The following FBH1 variants were observed in gnomAD, a reference collection of about 807,000 sequenced individuals.
The protein encoded by FBH1 is DNA 3'-5' helicase 1.
FBH1 carries 43 observed loss-of-function variants against 115.5 expected under a neutral mutation model. The observed-to-expected ratio is 0.37, with a 90% CI of 0.29 to 0.48. The LOEUF (loss-of-function observed/expected upper bound fraction) is 0.48, where lower values mean the gene tolerates loss of function less well. FBH1 is among the 20% of genes least tolerant of loss of function. FBH1 has a pLI of 0.99. For missense variants in FBH1, 1,001 were observed against 1,337.3 expected (o/e 0.75, Z 3.92); for synonymous variants, 524 against 507.8 (o/e 1.03, Z -0.43).
At position 5,914,194 on chromosome 10, in the gene FBH1, C is replaced by T; in HGVS notation, c.1321C>T (p.Leu441Phe). The change falls in exon 8 of 21, where the codon CTT becomes TTT. Residue 441 changes from leucine (L) to phenylalanine (F), a missense_variant. Leu to Phe is a conservative substitution (Grantham distance 22). Around this residue, in one of 4 missense-constraint regions of FBH1, gnomAD observed 521 missense variants for 811.0 expected, o/e 0.64. Transcript: ENST00000362091. This position sits in a 1 kb window ranked among gnomAD's most constrained non-coding sequence, Gnocchi z 5.2. ...TGATTATAGCAAGAAAACCATCCAA[C>T]TTACACATGAACAACAGCTGATTCT... Reference protein sequence around the residue: ...SVWPGKKTIQLTHEQQLILNH... With the variant: ...SVWPGKKTIQFTHEQQLILNH... The T allele has an allele frequency of 6.2e-7, 1 of 1,614,206 alleles. No individual in the cohort carries two copies. Among genetic ancestry groups the T allele is most frequent in the Non-Finnish European group, 8.5e-7 (1 of 1,180,014 alleles).
Position 5,921,431 on chromosome 10 carries a change from G to T in FBH1, c.2201-17G>T. ...TTTATTTCAATTTGCCATAGAGTTTGTGCTCTCTCCCTAAAGGTGGCATTA... is the reference window on the plus strand; with the variant it reads ...TTTATTTCAATTTGCCATAGAGTTTTTGCTCTCTCCCTAAAGGTGGCATTA... On this transcript the variant is annotated splice_polypyrimidine_tract_variant and intron_variant, in intron 14 of 20. Coordinates refer to ENST00000362091, the MANE Select transcript of FBH1 (RefSeq NM_178150.3). This position sits in a 1 kb window ranked among gnomAD's most constrained non-coding sequence, Gnocchi z 6.4. 1 of 1,609,148 alleles carries T rather than the reference G, an allele frequency of 6.2e-7. No individual in the cohort carries two copies. Among genetic ancestry groups the T allele is most frequent in the Non-Finnish European group, 8.5e-7 (1 of 1,178,426 alleles).
chr10:5,912,950 A>G (rs1831693950), intron 6 of FBH1, among the ~76,000 whole-genome samples: 1 of 152,110 alleles, frequency 6.6e-6, no homozygotes. Flanking sequence ...GGATTATTAA[A>G]GGTATTTGTT....
Position 5,914,342 on chromosome 10 carries a change from C to T in FBH1, c.1396+73C>T. Reference sequence around the variant, plus strand: ...TCTCCCTACATCCCCTTCCCGCTACCTGCCAGGGCATCTTTGCTCTGATCT... The same window carrying T: ...TCTCCCTACATCCCCTTCCCGCTACTTGCCAGGGCATCTTTGCTCTGATCT... On this transcript the variant is annotated intron_variant, in intron 8 of 20. Transcript: ENST00000362091. The surrounding 1 kb of genome is among the most constrained non-coding windows in gnomAD (Gnocchi z 5.2). 2.4e-6 allele frequency: 3 copies of T among 1,230,864 alleles called. No individual in the cohort carries two copies. The highest frequency in any genetic ancestry group is 2.4e-5 in the South Asian group (2 of 82,856). The allele number at this position is 1,230,864 out of a possible 1,614,324, so 76.2% of individuals were successfully genotyped here.
chr10:5,915,580 T>A lies in FBH1; in HGVS notation c.1565+9T>A. 6.2e-7 allele frequency: 1 copy of A among 1,613,334 alleles called. No individual in the cohort carries two copies. Among genetic ancestry groups the A allele is most frequent in the African/African-American group, 1.3e-5 (1 of 75,046 alleles). ...GGGCACATAGGGCGGAAGTGAGTAC[T>A]GCTGTCACTAGTGGCACTGTTGCTG... is the stretch of plus-strand genomic sequence containing the variant. On this transcript the variant is annotated intron_variant, in intron 9 of 20. Coordinates refer to ENST00000362091, the MANE Select transcript of FBH1 (RefSeq NM_178150.3). This position sits in a 1 kb window ranked among gnomAD's most constrained non-coding sequence, Gnocchi z 5.2.
In FBH1 at chr10:5,918,626, CTGCCA is replaced by C; in HGVS notation, c.2100+149_2100+153del. Reference sequence around the variant, plus strand: ...TTCTCAAAGTGTGGTTCTCAGGGGTCTGCCAAGTCACACTGTTTTCATAAGAGGTG... The same window carrying C: ...TTCTCAAAGTGTGGTTCTCAGGGGTCAGTCACACTGTTTTCATAAGAGGTG... On this transcript the variant is annotated intron_variant, in intron 13 of 20. Transcript: ENST00000362091. The surrounding 1 kb of genome is among the most constrained non-coding windows in gnomAD (Gnocchi z 4.0). 9.4e-7 allele frequency: 1 copy of C among 1,060,230 alleles called. No individual in the cohort carries two copies. The highest frequency in any genetic ancestry group is 1.3e-6 in the Non-Finnish European group (1 of 779,684). 65.7% of individuals were successfully genotyped at this position (1,060,230 alleles called of 1,614,324 possible). A position where few individuals can be genotyped will look rare whatever the true frequency, so the allele number is the denominator to read the frequency against.
At position 5,937,517 on chromosome 10, in the gene FBH1, T is replaced by TA. The variant is rs58766013; in HGVS notation, c.*254dup. ...AGGGAAGTGGGGGATGTTCTTTTGA[T>TA]AAAAAAAAAAAAAAAAATTTATGTA... On this transcript the variant is annotated 3_prime_UTR_variant, in exon 21 of 21. Coordinates refer to ENST00000362091, the MANE Select transcript of FBH1 (RefSeq NM_178150.3). 5.3e-3 allele frequency: 1,476 copies of TA among 276,094 alleles called. 5 individuals are homozygous for TA. The highest frequency in any genetic ancestry group is 0.012 in the African/African-American group (522 of 44,686). 17.1% of individuals were successfully genotyped at this position (276,094 alleles called of 1,614,324 possible). A position where few individuals can be genotyped will look rare whatever the true frequency, so the allele number is the denominator to read the frequency against.
Position 5,914,324 on chromosome 10 carries a change from A to G in FBH1, c.1396+55A>G. On this transcript the variant is annotated intron_variant, in intron 8 of 20. Transcript: ENST00000362091. This position sits in a 1 kb window ranked among gnomAD's most constrained non-coding sequence, Gnocchi z 5.2. ...TGGTGGTTTTCTGCCTTTTCTCCCT[A>G]CATCCCCTTCCCGCTACCTGCCAGG... is the stretch of plus-strand genomic sequence containing the variant. 6.8e-7 allele frequency: 1 copy of G among 1,465,316 alleles called. No individual in the cohort carries two copies. The highest frequency in any genetic ancestry group is 9.6e-7 in the Non-Finnish European group (1 of 1,044,598). 90.8% of individuals were successfully genotyped at this position (1,465,316 alleles called of 1,614,324 possible).
At chr10:5,919,802 G>A (rs1832208253) in intron 13 of FBH1, among the ~76,000 whole-genome samples, 1 of 152,212 alleles carries the variant, frequency 6.6e-6, no homozygotes, top group Non-Finnish European at 1.5e-5. Context: ...TAGCGTCACT[G>A]CAGAGGTGAT....
Position 5,921,090 on chromosome 10 carries a change from G to A in FBH1, c.2101-168G>A, listed in dbSNP as rs1832285265. On this transcript the variant is annotated intron_variant, in intron 13 of 20. Coordinates refer to ENST00000362091, the MANE Select transcript of FBH1 (RefSeq NM_178150.3). The surrounding 1 kb of genome is among the most constrained non-coding windows in gnomAD (Gnocchi z 6.4). Reference sequence around the variant, plus strand: ...TTGAGAATAATGGAAAATAAAGACTGCTGAGTTGTGAAGGACCTTGAAAGT... The same window carrying A: ...TTGAGAATAATGGAAAATAAAGACTACTGAGTTGTGAAGGACCTTGAAAGT... Among the ~76,000 whole-genome samples the A allele has an allele frequency of 2.0e-5, 3 of 152,230 alleles. No individual in the cohort carries two copies. The highest frequency in any genetic ancestry group is 7.2e-5 in the African/African-American group (3 of 41,446).
At chr10:5,926,101 A>C (rs574850245) in intron 18 of FBH1, among the ~76,000 whole-genome samples, 1 of 120,968 alleles carries the variant, frequency 8.3e-6, no homozygotes. Context: ...TGTTATTATT[A>C]TTCTTATTCT....
chr10:5,900,657 T>A lies in FBH1; in HGVS notation c.2-2363T>A, dbSNP rs185544880. 6.4e-4 allele frequency among the ~76,000 whole-genome samples: 97 copies of A among 152,300 alleles called. No homozygotes were observed. In the East Asian group the frequency reaches 0.013, roughly 21 times the overall value. ...TTAAAATATTCATGAAGTTTTTTTT[T>A]AAAAAAGCTGGTATTAAACCTTGAA... On this transcript the variant is annotated intron_variant, in intron 1 of 20. Coordinates refer to ENST00000362091, the MANE Select transcript of FBH1 (RefSeq NM_178150.3). This position sits in a 1 kb window ranked among gnomAD's most constrained non-coding sequence, Gnocchi z 4.2.
Position 5,917,749 on chromosome 10 carries a change from T to A in FBH1, c.1963+73T>A. The A allele has an allele frequency of 9.1e-7, 1 of 1,100,928 alleles. No individual in the cohort carries two copies. Among genetic ancestry groups the A allele is most frequent in the Non-Finnish European group, 1.4e-6 (1 of 735,194 alleles). 68.2% of individuals were successfully genotyped at this position (1,100,928 alleles called of 1,614,324 possible). ...CGCCATGATTATGTAAGAGGACACC[T>A]GTGTGAACTAAGTTGATTATTATTA... On this transcript the variant is annotated intron_variant, in intron 12 of 20. Coordinates refer to ENST00000362091, the MANE Select transcript of FBH1 (RefSeq NM_178150.3). The surrounding 1 kb of genome is among the most constrained non-coding windows in gnomAD (Gnocchi z 5.6).
At position 5,936,923 on chromosome 10, in the gene FBH1, G is replaced by T; in HGVS notation, c.2962-187G>T. ...TGTTTCTGAGCTCAGGGAATTTGGG[G>T]GTGTTGAGGCCACCTAGTTGGTGGT... On this transcript the variant is annotated intron_variant, in intron 20 of 20. Coordinates refer to ENST00000362091, the MANE Select transcript of FBH1 (RefSeq NM_178150.3). The surrounding 1 kb of genome is among the most constrained non-coding windows in gnomAD (Gnocchi z 5.6). 1.5e-6 allele frequency: 1 copy of T among 650,008 alleles called. No individual in the cohort carries two copies. Among genetic ancestry groups the T allele is most frequent in the Non-Finnish European group, 2.6e-6 (1 of 383,844 alleles). 40.3% of individuals were successfully genotyped at this position (650,008 alleles called of 1,614,324 possible). A position where few individuals can be genotyped will look rare whatever the true frequency, so the allele number is the denominator to read the frequency against.
chr10:5,899,593 C>G (rs1271720209), intron 1 of FBH1, among the ~76,000 whole-genome samples: 2 of 152,198 alleles, frequency 1.3e-5, no homozygotes, highest in Non-Finnish European at 2.9e-5. Flanking sequence ...AGGCATGAGT[C>G]CACTCTGTTG....
At position 5,915,422 on chromosome 10, in the gene FBH1, G is replaced by A. The variant is rs1831865168; in HGVS notation, c.1416G>A (p.Thr472=). ...MAFAGTGKTS[T]LVKYAEKWSQ... ...CCCCAGGCACTGGGAAGACCTCAAC[G>A]CTGGTCAAGTATGCAGAGAAGTGGT... is the stretch of plus-strand genomic sequence containing the variant. Residue 472 remains threonine (T), a synonymous_variant, in exon 9 of 21, where the codon ACG becomes ACA. Coordinates refer to ENST00000362091, the MANE Select transcript of FBH1 (RefSeq NM_178150.3). The surrounding 1 kb of genome is among the most constrained non-coding windows in gnomAD (Gnocchi z 5.2). The A allele has an allele frequency of 6.2e-7, 1 of 1,614,084 alleles. No individual in the cohort carries two copies. The highest frequency in any genetic ancestry group is 1.3e-5 in the African/African-American group (1 of 74,926).
intron 19 of FBH1, chr10:5,934,196 A>G (rs1480343972): frequency 1.3e-5 from 2 of 152,174 alleles, no homozygotes; most frequent in African/African-American, 4.8e-5. Context: ...TTTATCTCCC[A>G]AGAGTAGGGC....
At chr10:5,912,467 C>T (rs983625069) in intron 6 of FBH1, among the ~76,000 whole-genome samples, 1 of 150,274 alleles carries the variant, frequency 6.7e-6, no homozygotes, top group African/African-American at 2.4e-5. Context: ...AACTGTGCAG[C>T]CATCCTGGAG....
At chr10:5,927,329 T>C in intron 18 of FBH1, 106 bp from the exon 19 acceptor site, 2 of 767,802 alleles carry the variant, frequency 2.6e-6, no homozygotes, top group Non-Finnish European at 2.0e-6. Flanking sequence ...TGAGTGGTTT[T>C]CTGCGGGGAA....
chr10:5,928,148 C>CTTTTT (rs753773157), intron 19 of FBH1, among the ~76,000 whole-genome samples: 1 of 114,900 alleles, frequency 8.7e-6, no homozygotes, highest in Non-Finnish European at 1.7e-5. Context: ...TCAATTAGTT[C>CTTTTT]TTTTTTTTTT....
Sources: allele counts gnomAD v4.1 joint callset (sites outside exome capture counted in the v4.1 genomes callset), GRCh38; gene constraint gnomAD v4.1.1; regional missense constraint gnomAD v4.1.1; non-coding constraint Gnocchi (gnomAD v3.1); transcripts MANE v1.5; gene names NCBI Gene and HGNC (gene_info 2026-07-23, HGNC 2026-07-21).